Variants in MYO3B observed in about 807,000 individuals in gnomAD.
The protein encoded by MYO3B is myosin-IIIb.
A neutral mutation model predicts 174.6 loss-of-function variants in MYO3B; 156 were observed. That is an observed-to-expected ratio of 0.89 (90% CI 0.78 to 1.02). The LOEUF is 1.02. MYO3B is among the 50% of genes least tolerant of loss of function. MYO3B has a pLI of 0.00. For missense variants in MYO3B, 1,632 were observed against 1,639.4 expected (o/e 1.00, Z 0.08); for synonymous variants, 563 against 569.1 (o/e 0.99, Z 0.15).
At chr2:170,499,357 A>C (rs145509944) in intron 26 of MYO3B, among the ~76,000 whole-genome samples, 81 of 152,280 alleles carry the variant, frequency 5.3e-4, no homozygotes, top group African/African-American at 1.9e-3. Flanking sequence ...ATAGAGCTCA[A>C]ACTGAGAAAA....
At chr2:170,505,268 G>A (rs1326971842) in intron 28 of MYO3B, among the ~76,000 whole-genome samples, 2 of 152,162 alleles carry the variant, frequency 1.3e-5, no homozygotes, top group Admixed American at 1.3e-4. Context: ...CTGCGGGGCT[G>A]AGGGAGGTGG....
At position 170,551,515 on chromosome 2, in the gene MYO3B, A is replaced by G. The variant is rs13401705; in HGVS notation, c.3733+7527A>G. On this transcript the variant is annotated intron_variant, in intron 32 of 34. Coordinates refer to ENST00000408978, the MANE Select transcript of MYO3B (RefSeq NM_138995.5). ...TTTCTAATACATATGTCATTGCCAT[A>G]ATGTTTGTTCCCTGACTTTTTGCAA... Among the ~76,000 whole-genome samples the G allele has an allele frequency of 9.7e-3, 1,361 of 140,002 alleles. 21 individuals are homozygous for G. The highest frequency in any genetic ancestry group is 0.034 in the African/African-American group (1,286 of 37,374). The allele number at this position is 140,002 out of a possible 152,430, so 91.8% of individuals were successfully genotyped here. A position where few individuals can be genotyped will look rare whatever the true frequency, so the allele number is the denominator to read the frequency against.
At chr2:170,471,990 T>TAA (rs533804427) in intron 25 of MYO3B, among the ~76,000 whole-genome samples, 289 of 127,970 alleles carry the variant, frequency 2.3e-3, no homozygotes, top group Non-Finnish European at 3.7e-3. Flanking sequence ...AAACTCTGTC[T>TAA]AAAAAAAAAA....
chr2:170,642,267 A>G (rs780246385), intron 32 of MYO3B, among the ~76,000 whole-genome samples: 4 of 152,120 alleles, frequency 2.6e-5, no homozygotes, highest in Non-Finnish European at 5.9e-5. Context: ...TATTGGTTTC[A>G]GGGGAAGTTA....
In MYO3B at chr2:170,217,312, CTTATAGGTG is replaced by C; in HGVS notation, c.527-4_531del. On this transcript the variant is annotated splice_acceptor_variant and splice_polypyrimidine_tract_variant and coding_sequence_variant and intron_variant, in exon 6 of 35. Coordinates refer to ENST00000408978, the MANE Select transcript of MYO3B (RefSeq NM_138995.5). LOFTEE classifies it high-confidence loss of function. ...CACTTTTGAATTCTGATACTCTTTCCTTATAGGTGTTTCAGCTCAACTCACCAGTACACG... is the reference window on the plus strand; with the variant it reads ...CACTTTTGAATTCTGATACTCTTTCCTTTCAGCTCAACTCACCAGTACACG... 12 of 1,613,402 alleles carry C rather than the reference CTTATAGGTG, an allele frequency of 7.4e-6. 1 individual carries two copies. The Middle Eastern group carries it at 2.0e-3, about 266-fold the overall frequency.
intron 22 of MYO3B, among the ~76,000 whole-genome samples, chr2:170,433,247 T>C (rs755243372): frequency 6.6e-6 from 1 of 152,092 alleles, no homozygotes; most frequent in Non-Finnish European, 1.5e-5. Flanking sequence ...AGCCCAGGTG[T>C]GTCAACCAAA....
In MYO3B at chr2:170,301,967, A is replaced by G. The variant is rs546363487; in HGVS notation, c.750-33418A>G. 1.0e-4 allele frequency among the ~76,000 whole-genome samples: 15 copies of G among 149,870 alleles called. No individual in the cohort carries two copies. In the East Asian group the frequency reaches 2.9e-3, roughly 29 times the overall value. ...GAGCCAGCAGCAGGAGGCAAATTAA[A>G]GCCTTATTGGAAAATTCTAAATAGG... On this transcript the variant is annotated intron_variant, in intron 7 of 34. Transcript: ENST00000408978.
At chr2:170,236,326 C>T (rs1366188296) in intron 7 of MYO3B, among the ~76,000 whole-genome samples, 190 bp downstream of exon 7, 8 of 151,998 alleles carry the variant, frequency 5.3e-5, no homozygotes, top group African/African-American at 1.9e-4. Context: ...GATAACATAC[C>T]CCAAGGAATA....
chr2:170,396,601 G>A (rs776972545), intron 16 of MYO3B, among the ~76,000 whole-genome samples: 23 of 152,176 alleles, frequency 1.5e-4, no homozygotes, highest in Non-Finnish European at 2.5e-4. Context: ...TTCACACAGT[G>A]TTTGAACCTA....
intron 32 of MYO3B, among the ~76,000 whole-genome samples, chr2:170,571,712 T>C (rs968140069): frequency 1.3e-5 from 2 of 152,050 alleles, no homozygotes; most frequent in Non-Finnish European, 2.9e-5. Context: ...GATGGGATGA[T>C]TCATGTAGGG....
intron 3 of MYO3B, among the ~76,000 whole-genome samples, chr2:170,201,315 CCTT>C (rs1222029804): frequency 6.6e-6 from 1 of 152,212 alleles, no homozygotes; most frequent in Non-Finnish European, 1.5e-5. Context: ...TGGGCTCTGA[CCTT>C]CTGAACCAGC....
intron 25 of MYO3B, among the ~76,000 whole-genome samples, chr2:170,477,466 C>T (rs1296258345): frequency 6.6e-6 from 1 of 151,954 alleles, no homozygotes; most frequent in African/African-American, 2.4e-5. Context: ...ATTTTTTTAT[C>T]CCTAGCACTT....
intron 25 of MYO3B, among the ~76,000 whole-genome samples, chr2:170,476,281 C>T (rs1225511206): frequency 2.6e-5 from 4 of 151,416 alleles, no homozygotes; most frequent in Admixed American, 6.6e-5. Context: ...ACAGTGCACT[C>T]TTTCAGCTTT....
At position 170,365,138 on chromosome 2, in the gene MYO3B, T is replaced by A. The variant is rs938900240; in HGVS notation, c.816-4084T>A. On this transcript the variant is annotated intron_variant, in intron 8 of 34. Coordinates refer to ENST00000408978, the MANE Select transcript of MYO3B (RefSeq NM_138995.5). ...CTTCCCTCTGGCCGCGAAGTATTGT[T>A]TCGTACGTTGTACCTTTGTCATTTT... Among the ~76,000 whole-genome samples the A allele has an allele frequency of 9.2e-5, 14 of 152,184 alleles. No individual in the cohort carries two copies. In the South Asian group the frequency reaches 2.9e-3, roughly 32 times the overall value.
chr2:170,577,575 C>T (rs758734732), intron 32 of MYO3B, among the ~76,000 whole-genome samples: 3 of 152,180 alleles, frequency 2.0e-5, no homozygotes, highest in African/African-American at 7.2e-5. Context: ...TCAGCAATTC[C>T]GTTGATCAGT....
At chr2:170,216,591 T>C (rs761052736) in intron 5 of MYO3B, among the ~76,000 whole-genome samples, 1 of 152,206 alleles carries the variant, frequency 6.6e-6, no homozygotes, top group African/African-American at 2.4e-5. Context: ...GTCCCCAACA[T>C]TGAGCCCCAG....
intron 28 of MYO3B, among the ~76,000 whole-genome samples, chr2:170,503,293 T>TG (rs1687397769): frequency 6.6e-6 from 1 of 152,224 alleles, no homozygotes; most frequent in Non-Finnish European, 1.5e-5. Flanking sequence ...ACTCTGTTAA[T>TG]GCCAAGTGAA....
At chr2:170,624,542 T>G (rs565341786) in intron 32 of MYO3B, among the ~76,000 whole-genome samples, 1 of 152,190 alleles carries the variant, frequency 6.6e-6, no homozygotes, top group African/African-American at 2.4e-5. Flanking sequence ...CTTTTCCTAA[T>G]TGAGTACCCT....
chr2:170,378,270 C>A (rs200712409), intron 9 of MYO3B, among the ~76,000 whole-genome samples: 8 of 152,230 alleles, frequency 5.3e-5, no homozygotes, highest in Admixed American at 2.6e-4. Context: ...GAAAGTTAAG[C>A]GGGCAGCAGT....
Sources: allele counts gnomAD v4.1 joint callset (sites outside exome capture counted in the v4.1 genomes callset), GRCh38; gene constraint gnomAD v4.1.1; transcripts MANE v1.5; gene names NCBI Gene and HGNC (gene_info 2026-07-23, HGNC 2026-07-21).